CSNK1G1: variants seen among roughly 807,000 people sequenced by gnomAD.
CSNK1G1 encodes the protein casein kinase I isoform gamma-1.
A neutral mutation model predicts 59.6 loss-of-function variants in CSNK1G1; 22 were observed. The ratio of observed to expected loss-of-function variants is 0.37; its 90% confidence interval spans 0.26 to 0.53. CSNK1G1 has a LOEUF of 0.53. Among genes scored for constraint, CSNK1G1 ranks in the 20% least tolerant of loss-of-function variants. The pLI is 0.89. For synonymous variants in CSNK1G1, 179 were observed against 177.1 expected, an observed-to-expected ratio of 1.01 and a Z score of -0.08; for missense variants, 384 against 519.5, an observed-to-expected ratio of 0.74 and a Z score of 2.54.
At position 64,355,377 on chromosome 15, in the gene CSNK1G1, G is replaced by C. The variant is rs567382823; in HGVS notation, c.-225+611C>G. Among the ~76,000 whole-genome samples, 18 of 152,292 alleles carry C rather than the reference G, an allele frequency of 1.2e-4. No individual in the cohort carries two copies. In the South Asian group the frequency reaches 3.7e-3, roughly 32 times the overall value. On this transcript the variant is annotated intron_variant, in intron 1 of 11. Transcript: ENST00000303052. ...ACCCAGTTCCACTCTCTTTTACATT[G>C]TGATGCCTGCCCACTTGGGGGACAT...
chr15:64,193,168 A>G (rs893038008), intron 10 of CSNK1G1, among the ~76,000 whole-genome samples: 26 of 151,842 alleles, frequency 1.7e-4, no homozygotes, highest in African/African-American at 6.3e-4. Flanking sequence ...TTCTTTTATG[A>G]TATGGTGGGG....
chr15:64,259,141 A>G (rs1212621133), intron 3 of CSNK1G1, 60 bp downstream of exon 3: 2 of 1,401,264 alleles, frequency 1.4e-6, no homozygotes, highest in African/African-American at 2.9e-5. Flanking sequence ...TATTTCCTAT[A>G]AAAAGATATA....
At chr15:64,193,675 C>T (rs1037819853) in intron 10 of CSNK1G1, among the ~76,000 whole-genome samples, 2 of 152,030 alleles carry the variant, frequency 1.3e-5, no homozygotes, top group East Asian at 1.9e-4. Context: ...CTGACAACAA[C>T]CTGAAAAGGG....
At chr15:64,236,142 C>CAAAA (rs532663571) in intron 4 of CSNK1G1, among the ~76,000 whole-genome samples, 18 of 67,922 alleles carry the variant, frequency 2.7e-4, no homozygotes, top group East Asian at 5.5e-4. Flanking sequence ...GACTCCATCT[C>CAAAA]AAAAAAAAAA....
At chr15:64,182,052 C>CTTTTTTTT (rs1567358672) in intron 10 of CSNK1G1, 5 of 118,368 alleles carry the variant, frequency 4.2e-5, no homozygotes, top group African/African-American at 2.1e-4. Flanking sequence ...ATTAGTAACC[C>CTTTTTTTT]GTTTTTTTTT....
chr15:64,182,052 C>CTTTT (rs1567358672), intron 10 of CSNK1G1: 2 of 118,372 alleles, frequency 1.7e-5, no homozygotes, highest in African/African-American at 8.3e-5. Flanking sequence ...ATTAGTAACC[C>CTTTT]GTTTTTTTTT....
At chr15:64,340,257 T>C (rs1213736225) in intron 1 of CSNK1G1, among the ~76,000 whole-genome samples, 1 of 152,232 alleles carries the variant, frequency 6.6e-6, no homozygotes, top group Non-Finnish European at 1.5e-5. Context: ...AGTAACTGTA[T>C]GAAACTAATT....
intron 4 of CSNK1G1, among the ~76,000 whole-genome samples, chr15:64,226,112 C>T (rs752724325): frequency 6.6e-6 from 1 of 152,220 alleles, no homozygotes; most frequent in Non-Finnish European, 1.5e-5. Flanking sequence ...ACTTGGACAA[C>T]TCACAGTCAA....
intron 1 of CSNK1G1, among the ~76,000 whole-genome samples, chr15:64,310,995 C>T (rs1238344832): frequency 1.0e-5 from 1 of 97,706 alleles, no homozygotes; most frequent in African/African-American, 3.8e-5. Flanking sequence ...GAGAGCTAGA[C>T]TCCATCTCAA....
At chr15:64,313,926 C>T (rs1169983679) in intron 1 of CSNK1G1, among the ~76,000 whole-genome samples, 1 of 149,836 alleles carries the variant, frequency 6.7e-6, no homozygotes, top group Non-Finnish European at 1.5e-5. Context: ...GTGCCTAAAA[C>T]TGGGTTATTC....
intron 4 of CSNK1G1, among the ~76,000 whole-genome samples, chr15:64,250,575 C>G (rs1168713885): frequency 2.0e-5 from 3 of 152,084 alleles, no homozygotes; most frequent in East Asian, 1.9e-4. Flanking sequence ...AAAACCCCAT[C>G]TCTACTAAAA....
rs992844268 is a variant in CSNK1G1, at chr15:64,346,337, T to C, written c.-225+9651A>G. Among the ~76,000 whole-genome samples the C allele has an allele frequency of 5.9e-5, 9 of 151,376 alleles. No individual in the cohort carries two copies. In the East Asian group the frequency reaches 1.2e-3, roughly 19 times the overall value. On this transcript the variant is annotated intron_variant, in intron 1 of 11. Coordinates refer to ENST00000303052, the MANE Select transcript of CSNK1G1 (RefSeq NM_022048.5). Reference sequence around the variant, plus strand: ...AAAAACTAACTTAAAATAAACCTTATAACTAAATGTAAACTACAAAACGAT... The same window carrying C: ...AAAAACTAACTTAAAATAAACCTTACAACTAAATGTAAACTACAAAACGAT...
At chr15:64,246,135 A>G (rs998764751) in intron 4 of CSNK1G1, among the ~76,000 whole-genome samples, 1 of 152,232 alleles carries the variant, frequency 6.6e-6, no homozygotes, top group African/African-American at 2.4e-5. Context: ...TGAGGTAATG[A>G]GTAGCTTAAC....
chr15:64,228,414 G>A (rs141900077), intron 4 of CSNK1G1, among the ~76,000 whole-genome samples: 246 of 152,124 alleles, frequency 1.6e-3, no homozygotes, highest in African/African-American at 5.6e-3. Flanking sequence ...GTGAGAGGCC[G>A]AGGCAGGTGG....
chr15:64,355,298 A>C (rs1158667585), intron 1 of CSNK1G1, among the ~76,000 whole-genome samples: 1 of 152,174 alleles, frequency 6.6e-6, no homozygotes, highest in Non-Finnish European at 1.5e-5. Flanking sequence ...GACTTGGTTG[A>C]ATATGTCATT....
At chr15:64,241,706 A>G (rs1440899167) in intron 4 of CSNK1G1, among the ~76,000 whole-genome samples, 1 of 152,174 alleles carries the variant, frequency 6.6e-6, no homozygotes, top group Non-Finnish European at 1.5e-5. Context: ...CTGAATAACT[A>G]TAGTGTCAAT....
At chr15:64,321,520 T>TCC (rs996983586) in intron 1 of CSNK1G1, among the ~76,000 whole-genome samples, 20 of 152,120 alleles carry the variant, frequency 1.3e-4, no homozygotes, top group African/African-American at 4.8e-4. Context: ...TGCTTCAACC[T>TCC]CCCAAAGGGC....
At chr15:64,238,809 C>G (rs1212708710) in intron 4 of CSNK1G1, among the ~76,000 whole-genome samples, 3 of 151,756 alleles carry the variant, frequency 2.0e-5, no homozygotes, top group Admixed American at 6.6e-5. Context: ...TGGAACCCAA[C>G]CCCCTGGATC....
chr15:64,309,309 AACACAC>A (rs66467610), intron 1 of CSNK1G1, among the ~76,000 whole-genome samples: 3,309 of 146,456 alleles, frequency 0.023, 92 homozygotes, highest in African/African-American at 0.06. Context: ...TAGTGAATAA[AACACAC>A]ACACACACAC....
Sources: allele counts gnomAD v4.1 joint callset (sites outside exome capture counted in the v4.1 genomes callset), GRCh38; gene constraint gnomAD v4.1.1; transcripts MANE v1.5; gene names NCBI Gene and HGNC (gene_info 2026-07-23, HGNC 2026-07-21).